POLQ: variants seen among roughly 807,000 people sequenced by gnomAD.
POLQ encodes DNA polymerase theta.
In POLQ, 233 loss-of-function variants were observed where a neutral mutation model predicts 259.2. The ratio of observed to expected loss-of-function variants is 0.90; its 90% confidence interval spans 0.81 to 1.00. POLQ has a LOEUF of 1.00. POLQ is among the 50% of genes least tolerant of loss of function. The probability of loss-of-function intolerance (pLI) is 0.00; values close to 1 mark genes in which losing one functional copy is unlikely to be tolerated. For missense variants in POLQ, 2,871 were observed against 3,051.6 expected (o/e 0.94, Z 1.39); for synonymous variants, 1,025 against 1,048.8 (o/e 0.98, Z 0.44).
chr3:121,432,344 AT>A lies in POLQ; in HGVS notation c.7732del (p.Ile2578Ter). ...LSVKLKVKVKIGASWGELKDF... is the reference protein window; with the variant it reads ...LSVKLKVKVKXGASWGELKDF... Reference sequence around the variant, plus strand: ...CTTTAGCTCTCCCCAGCTGGCGCCTATTTTCACTTTCACTTTCAATTTCACA... The same window carrying A: ...CTTTAGCTCTCCCCAGCTGGCGCCTATTTCACTTTCACTTTCAATTTCACA... On this transcript the variant is annotated frameshift_variant, in exon 30 of 30. Coordinates refer to ENST00000264233, the MANE Select transcript of POLQ (RefSeq NM_199420.4). LOFTEE classifies it high-confidence loss of function. 6.2e-7 allele frequency: 1 copy of A among 1,606,808 alleles called. No homozygotes were observed. Among genetic ancestry groups the A allele is most frequent in the Non-Finnish European group, 8.5e-7 (1 of 1,176,754 alleles).
chr3:121,468,548 T>C, intron 22 of POLQ, 117 bp from the exon 23 acceptor site: 1 of 627,082 alleles, frequency 1.6e-6, no homozygotes, highest in Non-Finnish European at 2.7e-6. Flanking sequence ...TGAACTGAAA[T>C]ACATTTATAT....
intron 20 of POLQ, among the ~76,000 whole-genome samples, chr3:121,476,312 T>C (rs1438859981): frequency 1.3e-5 from 2 of 152,166 alleles, no homozygotes. Flanking sequence ...TCAAGGAGCT[T>C]ACATTCTAGA....
At position 121,454,571 on chromosome 3, in the gene POLQ, G is replaced by C. The variant is rs2047714010; in HGVS notation, c.7153-5145C>G. Among the ~76,000 whole-genome samples, 4 of 152,158 alleles carry C rather than the reference G, an allele frequency of 2.6e-5. No homozygotes were observed. The South Asian group carries it at 8.3e-4, about 32-fold the overall frequency. On this transcript the variant is annotated intron_variant, in intron 25 of 29. Transcript: ENST00000264233. Reference sequence around the variant, plus strand: ...AGCAAATGGAAAACAAAAAAAAGCAGGGGTTGCAATCCTAGTCTCTGATAA... The same window carrying C: ...AGCAAATGGAAAACAAAAAAAAGCACGGGTTGCAATCCTAGTCTCTGATAA...
intron 18 of POLQ, among the ~76,000 whole-genome samples, 183 bp downstream of exon 18, chr3:121,483,203 T>A (rs1184470041): frequency 6.6e-6 from 1 of 152,200 alleles, no homozygotes; most frequent in African/African-American, 2.4e-5. Context: ...TCTGTTTTTA[T>A]CTACACAGAG....
Position 121,488,085 on chromosome 3 carries a change from C to T in POLQ, c.4846G>A (p.Glu1616Lys). 9 of 1,613,900 alleles carry T rather than the reference C, an allele frequency of 5.6e-6. No homozygotes were observed. The highest frequency in any genetic ancestry group is 7.6e-6 in the Non-Finnish European group (9 of 1,179,914). ...CTGGTCCCAGTTAATTTTGATTTTT[C>T]AGCCCTTTCATCTTGATCTCCTCCA... ...QDGGDQDERA[E>K]KSKLTGTRQN... is the part of the protein sequence containing the mutation. The change falls in exon 16 of 30, where the codon GAA becomes AAA. Residue 1616 changes from glutamate to lysine, a missense_variant. Coordinates refer to ENST00000264233, the MANE Select transcript of POLQ (RefSeq NM_199420.4).
intron 25 of POLQ, among the ~76,000 whole-genome samples, chr3:121,453,427 C>T (rs79432570): frequency 5.9e-5 from 9 of 152,250 alleles, no homozygotes; most frequent in African/African-American, 2.2e-4. Flanking sequence ...AGGCTTCAGA[C>T]GATCAAACTA....
chr3:121,509,981 A>C, intron 11 of POLQ, 58 bp downstream of exon 11: 1 of 1,337,734 alleles, frequency 7.5e-7, no homozygotes, highest in Non-Finnish European at 1.1e-6. Context: ...CTGAGCAGTC[A>C]TACAACCTCA....
At chr3:121,465,077 T>A (rs541291588) in intron 24 of POLQ, among the ~76,000 whole-genome samples, 17 of 150,964 alleles carry the variant, frequency 1.1e-4, no homozygotes, top group African/African-American at 4.1e-4. Flanking sequence ...TGGAAATGTT[T>A]TTTTTCTTTT....
intron 5 of POLQ, 27 bp downstream of exon 5, chr3:121,537,073 A>G: frequency 9.6e-7 from 1 of 1,038,436 alleles, no homozygotes; most frequent in Non-Finnish European, 1.5e-6. Flanking sequence ...TTGAAATCTC[A>G]GGAACTCAGT....
At chr3:121,455,331 G>C (rs1176538937) in intron 25 of POLQ, among the ~76,000 whole-genome samples, 1 of 142,930 alleles carries the variant, frequency 7.0e-6, no homozygotes, top group African/African-American at 2.6e-5. Flanking sequence ...AACTAGAAAA[G>C]CAAGAGCAAA....
chr3:121,496,804 T>C lies in POLQ; in HGVS notation c.2278+4A>G. 1.9e-6 allele frequency: 3 copies of C among 1,604,180 alleles called. No individual in the cohort carries two copies. Among genetic ancestry groups the C allele is most frequent in the Non-Finnish European group, 2.5e-6 (3 of 1,178,020 alleles). On this transcript the variant is annotated splice_donor_region_variant and intron_variant, in intron 14 of 29. Coordinates refer to ENST00000264233, the MANE Select transcript of POLQ (RefSeq NM_199420.4). Reference sequence around the variant, plus strand: ...ATAAATGTGAAACCCTTTGTTTAACTGACCTGCATAAACAGCAGCTGACTG... The same window carrying C: ...ATAAATGTGAAACCCTTTGTTTAACCGACCTGCATAAACAGCAGCTGACTG...
intron 6 of POLQ, among the ~76,000 whole-genome samples, chr3:121,532,161 A>C (rs1163045102): frequency 6.6e-6 from 1 of 152,210 alleles, no homozygotes; most frequent in Non-Finnish European, 1.5e-5. Flanking sequence ...AGGGATTATA[A>C]TATCCTATTT....
chr3:121,471,544 C>G (rs992011667), intron 22 of POLQ, among the ~76,000 whole-genome samples: 2 of 151,994 alleles, frequency 1.3e-5, no homozygotes, highest in African/African-American at 4.8e-5. Flanking sequence ...GAGTTCGAGA[C>G]CAGCCTGATC....
intron 7 of POLQ, among the ~76,000 whole-genome samples, chr3:121,528,523 A>G (rs1366572918): frequency 1.3e-5 from 2 of 151,634 alleles, no homozygotes; most frequent in African/African-American, 4.8e-5. Flanking sequence ...TTTTGTATTT[A>G]GTACAAACGG....
At chr3:121,513,605 A>G (rs1378913300) in intron 9 of POLQ, among the ~76,000 whole-genome samples, 2 of 136,162 alleles carry the variant, frequency 1.5e-5, no homozygotes, top group Non-Finnish European at 3.4e-5. Context: ...TATCTCAAAA[A>G]AAAAAAAAAA....
At chr3:121,493,335 A>C in intron 15 of POLQ, 143 bp downstream of exon 15, 1 of 608,704 alleles carries the variant, frequency 1.6e-6, no homozygotes, top group Non-Finnish European at 2.7e-6. Flanking sequence ...ATGGGGAAAA[A>C]GTAGCCATAT....
At chr3:121,515,715 CAA>C (rs762549035) in intron 9 of POLQ, among the ~76,000 whole-genome samples, 8 of 152,146 alleles carry the variant, frequency 5.3e-5, no homozygotes, top group Non-Finnish European at 1.2e-4. Context: ...CTATAAAAGC[CAA>C]AGAGGTAGCT....
chr3:121,500,372 T>TGCCTTG (rs1469985643), intron 12 of POLQ, among the ~76,000 whole-genome samples: 4 of 151,834 alleles, frequency 2.6e-5, no homozygotes, highest in African/African-American at 7.3e-5. Context: ...ATAACACTCC[T>TGCCTTG]GCCTTGGCCT....
At chr3:121,471,528 G>A (rs1029880591) in intron 22 of POLQ, among the ~76,000 whole-genome samples, 5 of 151,968 alleles carry the variant, frequency 3.3e-5, no homozygotes, top group African/African-American at 1.2e-4. Flanking sequence ...GATCACCTGA[G>A]GTCAGGAGTT....
Sources: gnomAD v4.1 joint callset for allele counts (sites outside exome capture counted in the v4.1 genomes callset) on GRCh38, gnomAD v4.1.1 for gene constraint, MANE v1.5 for transcripts, NCBI Gene and HGNC (gene_info 2026-07-23, HGNC 2026-07-21) for gene names.